SMOC2: variants seen among roughly 807,000 people sequenced by gnomAD.
SMOC2 encodes SPARC related modular calcium binding 2, also known as SPARC-related modular calcium-binding protein 2.
In SMOC2, 39 loss-of-function variants were observed where a neutral mutation model predicts 61.4. The ratio of observed to expected loss-of-function variants is 0.64; its 90% CI spans 0.49 to 0.83. The LOEUF (loss-of-function observed/expected upper bound fraction) is 0.83. Ranked by LOEUF, SMOC2 falls within the 40% of genes least tolerant of loss-of-function variation. The probability of loss-of-function intolerance (pLI) is 0.00; values close to 1 mark genes in which losing one functional copy is unlikely to be tolerated. For missense variants in SMOC2, 556 were observed against 592.9 expected, an observed-to-expected ratio of 0.94 and a Z score of 0.65; for synonymous variants, 247 against 239.9, an observed-to-expected ratio of 1.03 and a Z score of -0.27.
intron 1 of SMOC2, among the ~76,000 whole-genome samples, chr6:168,442,441 C>G (rs905914971): frequency 5.3e-5 from 8 of 152,214 alleles, no homozygotes; most frequent in Non-Finnish European, 1.0e-4. Flanking sequence ...GCCCCCAGCT[C>G]CAGCCGTCCT....
intron 9 of SMOC2, among the ~76,000 whole-genome samples, chr6:168,611,143 A>G (rs1785849207): frequency 6.6e-6 from 1 of 152,168 alleles, no homozygotes; most frequent in Non-Finnish European, 1.5e-5. Flanking sequence ...AGAACCAGGC[A>G]CTTGCATTGA....
chr6:168,547,266 G>GT, intron 6 of SMOC2, 97 bp downstream of exon 6: 1 of 1,017,628 alleles, frequency 9.8e-7, no homozygotes. Context: ...TTAGAGCTCC[G>GT]TTCAGTATGG....
chr6:168,455,724 A>G (rs1169234412), intron 1 of SMOC2, among the ~76,000 whole-genome samples: 1 of 152,246 alleles, frequency 6.6e-6, no homozygotes, highest in African/African-American at 2.4e-5. Flanking sequence ...ATGAGCCATT[A>G]TCTCCTGGAG....
chr6:168,614,497 ACACCTACAGCCAGCACAGGGCCTCTTC>A (rs1292427468), intron 9 of SMOC2, among the ~76,000 whole-genome samples: 1 of 53,682 alleles, frequency 1.9e-5, no homozygotes, highest in Admixed American at 2.0e-4. Flanking sequence ...GGGCCTCTTC[ACACCTACAGCCAGCACAGGGCCTCTTC>A]ACACCTACAG....
At chr6:168,509,644 C>T (rs907808380) in intron 1 of SMOC2, among the ~76,000 whole-genome samples, 1 of 152,180 alleles carries the variant, frequency 6.6e-6, no homozygotes, top group African/African-American at 2.4e-5. Context: ...CACGTGCACC[C>T]CCTTCAAAGA....
intron 8 of SMOC2, among the ~76,000 whole-genome samples, chr6:168,605,146 C>T (rs896513910): frequency 2.6e-5 from 4 of 152,108 alleles, no homozygotes; most frequent in Non-Finnish European, 4.4e-5. Flanking sequence ...CATTCATGCC[C>T]AGAACAGAGA....
intron 2 of SMOC2, among the ~76,000 whole-genome samples, chr6:168,517,529 T>A (rs1783172351): frequency 6.6e-6 from 1 of 152,144 alleles, no homozygotes; most frequent in South Asian, 2.1e-4. Flanking sequence ...ATCCTTTGAA[T>A]CAGCAGCGAC....
intron 7 of SMOC2, among the ~76,000 whole-genome samples, chr6:168,568,249 C>T (rs188314591): frequency 8.1e-4 from 123 of 152,334 alleles, no homozygotes; most frequent in East Asian, 6.0e-3. Context: ...GCATTTAGCG[C>T]GTCTTCTCAT....
At chr6:168,513,651 T>G (rs185561883) in intron 2 of SMOC2, among the ~76,000 whole-genome samples, 1 of 152,362 alleles carries the variant, frequency 6.6e-6, no homozygotes, top group Admixed American at 6.5e-5. Context: ...TACTTGATAT[T>G]AATACATTCA....
chr6:168,500,799 C>T (rs962711828), intron 1 of SMOC2, among the ~76,000 whole-genome samples: 3 of 152,254 alleles, frequency 2.0e-5, no homozygotes, highest in East Asian at 1.9e-4. Context: ...TCACAGTGGC[C>T]GCCGAGGACG....
At chr6:168,461,468 A>G (rs1260202716) in intron 1 of SMOC2, among the ~76,000 whole-genome samples, 1 of 152,214 alleles carries the variant, frequency 6.6e-6, no homozygotes, top group Non-Finnish European at 1.5e-5. Context: ...AGAATACCTA[A>G]AAATGAACTT....
At chr6:168,508,503 A>G (rs544248341) in intron 1 of SMOC2, among the ~76,000 whole-genome samples, 1 of 152,368 alleles carries the variant, frequency 6.6e-6, no homozygotes, top group African/African-American at 2.4e-5. Context: ...ACAGAGGGGT[A>G]CAATGCTGAT....
In SMOC2 at chr6:168,553,840, A is replaced by AC. The variant is rs1784183101; in HGVS notation, c.637+4638dup. Among the ~76,000 whole-genome samples the AC allele has an allele frequency of 2.0e-5, 3 of 152,346 alleles. No individual in the cohort carries two copies. The South Asian group carries it at 6.2e-4, about 32-fold the overall frequency. ...CTCAGAAATAATGGGAAGATGGAGA[A>AC]CATGTGGAAGGCCAGCTGTCTCACA... On this transcript the variant is annotated intron_variant, in intron 7 of 12. Coordinates refer to ENST00000356284, the MANE Select transcript of SMOC2 (RefSeq NM_001166412.2). This position sits in a 1 kb window ranked among gnomAD's most constrained non-coding sequence, Gnocchi z 4.2.
chr6:168,498,052 T>C (rs1209371816), intron 1 of SMOC2, among the ~76,000 whole-genome samples: 2 of 152,066 alleles, frequency 1.3e-5, no homozygotes, highest in African/African-American at 2.4e-5. Context: ...CCAGCATGAG[T>C]GGGAGACAGG....
chr6:168,515,940 T>C (rs186736974), intron 2 of SMOC2, among the ~76,000 whole-genome samples: 4 of 152,344 alleles, frequency 2.6e-5, no homozygotes, highest in Admixed American at 2.0e-4. Flanking sequence ...ATCATTCGTG[T>C]AACACAAATA....
chr6:168,457,469 TC>T (rs1258930099), intron 1 of SMOC2, among the ~76,000 whole-genome samples: 2 of 152,198 alleles, frequency 1.3e-5, no homozygotes, highest in Admixed American at 6.5e-5. Flanking sequence ...GCCTTGTGTT[TC>T]CCGTCGGGTG....
intron 1 of SMOC2, among the ~76,000 whole-genome samples, chr6:168,496,740 T>C (rs760031642): frequency 1.4e-4 from 21 of 152,174 alleles, no homozygotes; most frequent in Admixed American, 2.6e-4. Context: ...ATCTCCAAGA[T>C]TGCACTGTGC....
intron 9 of SMOC2, among the ~76,000 whole-genome samples, chr6:168,645,648 C>T (rs75806817): frequency 0.023 from 3,494 of 152,304 alleles, 154 homozygotes; most frequent in African/African-American, 0.08. Context: ...CATTTGACTG[C>T]CACCTCCACG....
chr6:168,565,851 G>A (rs9456189), intron 7 of SMOC2, among the ~76,000 whole-genome samples: 3,277 of 152,262 alleles, frequency 0.022, 125 homozygotes, highest in African/African-American at 0.074. Context: ...GTAAAGAAAA[G>A]GGATACTAGT....
Sources: allele counts gnomAD v4.1 joint callset (sites outside exome capture counted in the v4.1 genomes callset), GRCh38; gene constraint gnomAD v4.1.1; non-coding constraint Gnocchi (gnomAD v3.1); transcripts MANE v1.5; gene names NCBI Gene and HGNC (gene_info 2026-07-23, HGNC 2026-07-21).